The following SULF2 variants were observed in gnomAD, a reference collection of about 807,000 sequenced individuals.
SULF2 encodes extracellular sulfatase Sulf-2.
SULF2 carries 52 observed loss-of-function variants against 107.7 expected under a neutral mutation model. That is an observed-to-expected ratio of 0.48 (90% CI 0.39 to 0.61). SULF2 has a LOEUF of 0.61. Ranked by LOEUF, SULF2 falls within the 20% of genes least tolerant of loss-of-function variation. The pLI, the probability that SULF2 is intolerant of heterozygous loss-of-function variation, is 0.00. For missense variants in SULF2, 993 were observed against 1,177.3 expected (o/e 0.84, Z 2.29); for synonymous variants, 460 against 464.3 (o/e 0.99, Z 0.12).
Position 47,663,562 on chromosome 20 carries a change from TTTC to T in SULF2, c.2115_2117del (p.Lys706del), listed in dbSNP as rs763802808. The T allele has an allele frequency of 2.2e-5, 36 of 1,611,382 alleles. No homozygotes were observed. The Admixed American group carries it at 5.2e-4, about 23-fold the overall frequency. ...GCAGGCGCTTGAGCAGCTTGCGGAG[TTTC>T]TTCTTGCGCTTCTGCTCCCGCAACA... On this transcript the variant is annotated inframe_deletion, in exon 16 of 21. Transcript: ENST00000688720.
At position 47,658,241 on chromosome 20, in the gene SULF2, T is replaced by C. The variant is rs2086956551; in HGVS notation, c.*121A>G. On this transcript the variant is annotated 3_prime_UTR_variant, in exon 21 of 21. Transcript: ENST00000688720. ...TGTCATGTTGACTGAGAGTGCGTGCTTGCTTTCTCAGGCCTCCTGGCCAAT... is the reference window on the plus strand; with the variant it reads ...TGTCATGTTGACTGAGAGTGCGTGCCTGCTTTCTCAGGCCTCCTGGCCAAT... 2.0e-6 allele frequency: 2 copies of C among 1,007,858 alleles called. No individual in the cohort carries two copies. Among genetic ancestry groups the C allele is most frequent in the South Asian group, 1.3e-5 (1 of 77,728 alleles). 62.4% of individuals were successfully genotyped at this position (1,007,858 alleles called of 1,614,324 possible).
chr20:47,663,172 C>G lies in SULF2; in HGVS notation c.2268G>C (p.Thr756=). The change falls in exon 17 of 21, where the codon ACG becomes ACC. Residue 756 remains threonine (T), a synonymous_variant. Coordinates refer to ENST00000688720, the MANE Select transcript of SULF2 (RefSeq NM_001387048.1). ...CATTGATGGTCCTCATGCACCAGTA[C>G]GTGTTATTGTTGGCGCTGGTGCAGG... is the stretch of plus-strand genomic sequence containing the variant. ...FCACTSANNN[T]YWCMRTINET... 1 of 1,614,138 alleles carries G rather than the reference C, an allele frequency of 6.2e-7. No individual in the cohort carries two copies. Among genetic ancestry groups the G allele is most frequent in the Middle Eastern group, 1.6e-4 (1 of 6,062 alleles).
intron 18 of SULF2, among the ~76,000 whole-genome samples, chr20:47,660,630 T>C (rs781372512): frequency 3.9e-5 from 6 of 152,086 alleles, no homozygotes; most frequent in African/African-American, 9.7e-5. Flanking sequence ...TTTTTAGAGA[T>C]GGGGCGACAG....
rs1198912869 is a variant in SULF2, at chr20:47,757,268, T to A, written c.96A>T (p.Lys32Asn). Reference sequence around the variant, plus strand: ...TCCTGCGGTCCCTCTGAAACCTGCCTTTCAGGCGGTGGTGCGACAGGAAGG... The same window carrying A: ...TCCTGCGGTCCCTCTGAAACCTGCCATTCAGGCGGTGGTGCGACAGGAAGG... ...SSAFLSHHRL[K>N]GRFQRDRRNI... Residue 32 changes from lysine to asparagine, a missense_variant, in exon 2 of 21, where the codon AAA (lysine) becomes AAT (asparagine). Transcript: ENST00000688720. 1 of 1,581,068 alleles carries A rather than the reference T, an allele frequency of 6.3e-7. No homozygotes were observed. Among genetic ancestry groups the A allele is most frequent in the East Asian group, 2.3e-5 (1 of 43,340 alleles).
intron 2 of SULF2, among the ~76,000 whole-genome samples, chr20:47,737,295 T>C (rs2089758313): frequency 6.6e-6 from 1 of 151,572 alleles, no homozygotes; most frequent in Non-Finnish European, 1.5e-5. Flanking sequence ...GACCTGAGAC[T>C]GGAATCAAAC....
At chr20:47,726,805 T>A (rs952071754) in intron 3 of SULF2, among the ~76,000 whole-genome samples, 1 of 152,214 alleles carries the variant, frequency 6.6e-6, no homozygotes, top group Non-Finnish European at 1.5e-5. Flanking sequence ...CGGAAGCCTC[T>A]TGAGGCCCAG....
In SULF2 at chr20:47,666,545, C is replaced by T; in HGVS notation, c.1577-57G>A. The T allele has an allele frequency of 1.4e-6, 2 of 1,416,590 alleles. No individual in the cohort carries two copies. Among genetic ancestry groups the T allele is most frequent in the East Asian group, 2.3e-5 (1 of 43,772 alleles). 87.8% of individuals were successfully genotyped at this position (1,416,590 alleles called of 1,614,324 possible). A position where few individuals can be genotyped will look rare whatever the true frequency, so the allele number is the denominator to read the frequency against. ...GAGGCAGGAAAGGCTGGCCAGGCTC[C>T]CAGGGCAGTGGGTCCTTCATCAAGA... is the stretch of plus-strand genomic sequence containing the variant. On this transcript the variant is annotated intron_variant, in intron 11 of 20. Transcript: ENST00000688720. The surrounding 1 kb of genome is among the most constrained non-coding windows in gnomAD (Gnocchi z 5.4).
chr20:47,757,442 T>C lies in SULF2; in HGVS notation c.-79A>G. On this transcript the variant is annotated 5_prime_UTR_variant, in exon 2 of 21. Coordinates refer to ENST00000688720, the MANE Select transcript of SULF2 (RefSeq NM_001387048.1). Reference sequence around the variant, plus strand: ...CGTCTGTGGCTTTGTTTCTTTTCCCTCGTCCCTCTTCACTCGCAGATCTAG... The same window carrying C: ...CGTCTGTGGCTTTGTTTCTTTTCCCCCGTCCCTCTTCACTCGCAGATCTAG... The C allele has an allele frequency of 6.9e-7, 1 of 1,447,874 alleles. No homozygotes were observed. Among genetic ancestry groups the C allele is most frequent in the Non-Finnish European group, 9.3e-7 (1 of 1,080,486 alleles). 89.7% of individuals were successfully genotyped at this position (1,447,874 alleles called of 1,614,324 possible). A position where few individuals can be genotyped will look rare whatever the true frequency, so the allele number is the denominator to read the frequency against.
chr20:47,719,165 G>A (rs2089214563), intron 3 of SULF2, among the ~76,000 whole-genome samples: 1 of 152,228 alleles, frequency 6.6e-6, no homozygotes, highest in African/African-American at 2.4e-5. Flanking sequence ...CGAAATCATG[G>A]AAGTTATCAG....
chr20:47,679,628 C>A (rs530827432), intron 7 of SULF2, among the ~76,000 whole-genome samples: 1 of 152,316 alleles, frequency 6.6e-6, no homozygotes, highest in South Asian at 2.1e-4. Flanking sequence ...ACTTGACCTG[C>A]CCCATGAGCA....
In SULF2 at chr20:47,670,126, C is replaced by T. The variant is rs140319209; in HGVS notation, c.1576+2072G>A. On this transcript the variant is annotated intron_variant, in intron 11 of 20. Coordinates refer to ENST00000688720, the MANE Select transcript of SULF2 (RefSeq NM_001387048.1). ...CTGGCTGGACCAGAGGAGATCACTG[C>T]GCCTGCCGTCAGAGACCTCAATCTC... 7.2e-5 allele frequency among the ~76,000 whole-genome samples: 11 copies of T among 152,282 alleles called. No individual in the cohort carries two copies. The East Asian group carries it at 2.1e-3, about 29-fold the overall frequency.
At chr20:47,705,490 C>T (rs1568838360) in intron 3 of SULF2, among the ~76,000 whole-genome samples, 1 of 152,134 alleles carries the variant, frequency 6.6e-6, no homozygotes, top group Non-Finnish European at 1.5e-5. Flanking sequence ...GCATGAGATT[C>T]CCGGGCAAGC....
intron 3 of SULF2, among the ~76,000 whole-genome samples, chr20:47,717,385 C>T (rs1161758606): frequency 6.6e-6 from 1 of 152,196 alleles, no homozygotes; most frequent in Non-Finnish European, 1.5e-5. Flanking sequence ...TGTCTGTCTC[C>T]ACCTGCCTTT....
chr20:47,676,049 T>C (rs1309572403), intron 10 of SULF2, among the ~76,000 whole-genome samples: 1 of 152,218 alleles, frequency 6.6e-6, no homozygotes, highest in Non-Finnish European at 1.5e-5. Flanking sequence ...ATTTCCTTAA[T>C]ATTTCTCTTG....
At chr20:47,743,023 C>G (rs966892652) in intron 2 of SULF2, among the ~76,000 whole-genome samples, 26 of 146,154 alleles carry the variant, frequency 1.8e-4, no homozygotes, top group Admixed American at 2.9e-4. Context: ...GCAGGGGAAC[C>G]CTGTACCCCT....
intron 15 of SULF2, among the ~76,000 whole-genome samples, chr20:47,663,847 G>T (rs1482209515): frequency 1.3e-5 from 2 of 152,210 alleles, no homozygotes; most frequent in African/African-American, 4.8e-5. Context: ...ACAAGCTGGG[G>T]ACAGAACCAG....
upstream of SULF2, chr20:47,785,876 TGTCCCCGGCGCAC>T (rs1024198511): frequency 6.6e-6 from 1 of 152,478 alleles, no homozygotes; most frequent in Non-Finnish European, 1.5e-5. Flanking sequence ...CGGCCCTGCC[TGTCCCCGGCGCAC>T]GGCCCCGGCC....
At chr20:47,717,134 AAAAAGGT>A (rs1475874293) in intron 3 of SULF2, among the ~76,000 whole-genome samples, 13 of 152,246 alleles carry the variant, frequency 8.5e-5, no homozygotes, top group African/African-American at 3.1e-4. Flanking sequence ...AAATGACGGT[AAAAAGGT>A]AAACAGTGTC....
Position 47,665,874 on chromosome 20 carries a change from G to A in SULF2, c.1885C>T (p.Leu629=). The change falls in exon 13 of 21, where the codon CTG becomes TTG. Residue 629 remains leucine, a synonymous_variant. Coordinates refer to ENST00000688720, the MANE Select transcript of SULF2 (RefSeq NM_001387048.1). ...CCACTCACCTCGTGGTCGATGTGCA[G>A]CTTGTGGTCTTTCCAGGCCTGCAGG... is the stretch of plus-strand genomic sequence containing the variant. ...KSLQAWKDHK[L]HIDHEIETLQ... is the part of the protein sequence containing the mutation. The A allele has an allele frequency of 6.2e-7, 1 of 1,614,032 alleles. No individual in the cohort carries two copies. Among genetic ancestry groups the A allele is most frequent in the Non-Finnish European group, 8.5e-7 (1 of 1,179,984 alleles).
Sources: allele counts gnomAD v4.1 joint callset (sites outside exome capture counted in the v4.1 genomes callset), GRCh38; gene constraint gnomAD v4.1.1; non-coding constraint Gnocchi (gnomAD v3.1); transcripts MANE v1.5; gene names NCBI Gene and HGNC (gene_info 2026-07-23, HGNC 2026-07-21).